The following HELB variants were observed in gnomAD, a reference collection of about 807,000 sequenced individuals.
HELB encodes DNA 5'-3' helicase B.
Under a neutral mutation model 101.7 loss-of-function variants are expected in HELB, and 96 were observed. The ratio of observed to expected loss-of-function variants is 0.94; its 90% confidence interval spans 0.80 to 1.12. The LOEUF is 1.12. Among genes scored for constraint, HELB ranks in the 50% most tolerant of loss-of-function variants. HELB has a pLI of 0.00. For missense variants in HELB, 1,210 were observed against 1,291.9 expected, an observed-to-expected ratio of 0.94 and a Z score of 0.97; for synonymous variants, 437 against 459.7, an observed-to-expected ratio of 0.95 and a Z score of 0.63.
chr12:66,328,484 GTC>G (rs1313521966), intron 11 of HELB, among the ~76,000 whole-genome samples: 1 of 152,132 alleles, frequency 6.6e-6, no homozygotes, highest in African/African-American at 2.4e-5. Context: ...GATTTCCAGA[GTC>G]TGGGAGCTGG....
At chr12:66,331,736 G>A (rs1592647940) in intron 12 of HELB, 91 bp downstream of exon 12, 2 of 1,218,916 alleles carry the variant, frequency 1.6e-6, no homozygotes, top group Non-Finnish European at 1.1e-6. Context: ...TATTAGTGTT[G>A]CATTGTGCTG....
chr12:66,306,437 G>T lies in HELB; in HGVS notation c.700G>T (p.Gly234Trp). 1 of 1,610,420 alleles carries T rather than the reference G, an allele frequency of 6.2e-7. No homozygotes were observed. ...LLPRHFKWII[G>W]SGSKEMLKEI... ...GCCTCGACACTTTAAATGGATCATAGGGTCAGGTTCTAAAGAGATGTTGAA... is the reference window on the plus strand; with the variant it reads ...GCCTCGACACTTTAAATGGATCATATGGTCAGGTTCTAAAGAGATGTTGAA... Residue 234 changes from glycine to tryptophan, a missense_variant, in exon 3 of 13, where the codon GGG (glycine) becomes TGG (tryptophan). Coordinates refer to ENST00000247815, the MANE Select transcript of HELB (RefSeq NM_001370285.1).
rs760436338 is a variant in HELB at position 66,315,344 on chromosome 12, A to G, written c.1961A>G (p.His654Arg). Residue 654 changes from histidine to arginine, a missense_variant, in exon 6 of 13, where the codon CAT becomes CGT. His to Arg is a conservative substitution (Grantham distance 29). Around this residue, in one of 2 missense-constraint regions of HELB, gnomAD observed 740 missense variants for 728.8 expected, o/e 1.02. Coordinates refer to ENST00000247815, the MANE Select transcript of HELB (RefSeq NM_001370285.1). ...RNCAIELKTN[H>R]RAESQLIVDN... ...TGTGCTATTGAGCTAAAGACAAACC[A>G]TAGAGCAGAATCTCAGCTCATTGTG... 3.1e-6 allele frequency: 5 copies of G among 1,606,616 alleles called. No individual in the cohort carries two copies. Among genetic ancestry groups the G allele is most frequent in the Middle Eastern group, 1.7e-4 (1 of 5,870 alleles).
chr12:66,302,772 C>A lies in HELB; in HGVS notation c.169C>A (p.Leu57Ile). The A allele has an allele frequency of 6.2e-7, 1 of 1,611,364 alleles. No individual in the cohort carries two copies. The highest frequency in any genetic ancestry group is 8.5e-7 in the Non-Finnish European group (1 of 1,178,182). Residue 57 changes from leucine to isoleucine, a missense_variant, in exon 1 of 13, where the codon CTC becomes ATC. Coordinates refer to ENST00000247815, the MANE Select transcript of HELB (RefSeq NM_001370285.1). The part of the protein sequence containing the change: ...LCSGGVKAGS[L>I]PGCLRVSICD... ...CAGTGGGGGCGTAAAGGCTGGCAGC[C>A]TCCCCGGGTGCCTCCGCGGTGAGGA...
At chr12:66,316,076 G>A (rs1410750986) in intron 6 of HELB, among the ~76,000 whole-genome samples, 1 of 152,102 alleles carries the variant, frequency 6.6e-6, no homozygotes, top group African/African-American at 2.4e-5. Flanking sequence ...CCTTTTCTAT[G>A]TTTAAATATG....
intron 4 of HELB, among the ~76,000 whole-genome samples, chr12:66,312,246 G>A (rs7316880): frequency 0.71 from 107,686 of 152,004 alleles, 38,632 homozygotes; most frequent in Middle Eastern, 0.83. Flanking sequence ...GGAGATTTCT[G>A]GCCTTCCAGC....
chr12:66,331,431 C>T lies in HELB; in HGVS notation c.2948C>T (p.Ala983Val), dbSNP rs779166296. 4 of 1,614,100 alleles carry T rather than the reference C, an allele frequency of 2.5e-6. No homozygotes were observed. The highest frequency in any genetic ancestry group is 2.7e-5 in the African/African-American group (2 of 74,932). ...GDSGGPSTPS[A>V]SPLPVVTDHA... ...AGTGGAGGACCCAGCACACCGTCAG[C>T]ATCTCCACTCCCTGTAGTCACAGAC... The change falls in exon 12 of 13, where the codon GCA (alanine) becomes GTA (valine). Residue 983 changes from alanine to valine, a missense_variant. Around this residue, in one of 2 missense-constraint regions of HELB, gnomAD observed 740 missense variants for 728.8 expected, o/e 1.02. Transcript: ENST00000247815.
At chr12:66,336,812 C>G (rs914805507) in intron 12 of HELB, among the ~76,000 whole-genome samples, 37 of 152,082 alleles carry the variant, frequency 2.4e-4, no homozygotes, top group African/African-American at 8.0e-4. Context: ...CTGAAGAGGT[C>G]GTAGATTCTT....
rs146773809 is a variant in HELB, at chr12:66,318,664, T to G, written c.2027T>G (p.Phe676Cys). Residue 676 changes from phenylalanine to cysteine, a missense_variant, in exon 7 of 13, where the codon TTT becomes TGT. Transcript: ENST00000247815. ...ATCTCAAGACGCCAATTTCCAAAAT[T>G]TGATGCAGAACTAAATATCTCTGAT... is the stretch of plus-strand genomic sequence containing the variant. Reference protein sequence around the residue: ...TRISRRQFPKFDAELNISDNP... With the variant: ...TRISRRQFPKCDAELNISDNP... 1.3e-4 allele frequency: 208 copies of G among 1,595,704 alleles called. No homozygotes were observed. The highest frequency in any genetic ancestry group is 3.3e-4 in the Middle Eastern group (2 of 6,006).
chr12:66,316,227 T>G lies in HELB; in HGVS notation c.2000+844T>G, dbSNP rs532970001. On this transcript the variant is annotated intron_variant, in intron 6 of 12. Coordinates refer to ENST00000247815, the MANE Select transcript of HELB (RefSeq NM_001370285.1). ...TGTATAGTAGGCTATACCATCCAGG[T>G]TTGTGTAAGTACACTCTATGCTATT... Among the ~76,000 whole-genome samples, 3 of 152,184 alleles carry G rather than the reference T, an allele frequency of 2.0e-5. No individual in the cohort carries two copies. In the South Asian group the frequency reaches 6.2e-4, roughly 32 times the overall value.
chr12:66,324,824 T>C (rs931358655), intron 10 of HELB, 159 bp from the exon 11 acceptor site: 1 of 757,936 alleles, frequency 1.3e-6, no homozygotes, highest in Non-Finnish European at 2.2e-6. Context: ...ATAGATATAT[T>C]GTTTGTGCTG....
At chr12:66,302,925 CCAAGGG>C (rs2053423102) in intron 1 of HELB, 135 bp downstream of exon 1, 1 of 672,624 alleles carries the variant, frequency 1.5e-6, no homozygotes, top group African/African-American at 1.8e-5. Flanking sequence ...CTTCATCCTA[CCAAGGG>C]TAAAATTATG....
In HELB at chr12:66,302,529, G is replaced by T; in HGVS notation, c.-75G>T. 1 of 1,428,392 alleles carries T rather than the reference G, an allele frequency of 7.0e-7. No homozygotes were observed. Among genetic ancestry groups the T allele is most frequent in the Non-Finnish European group, 9.7e-7 (1 of 1,028,518 alleles). 88.5% of individuals were successfully genotyped at this position (1,428,392 alleles called of 1,614,324 possible). On this transcript the variant is annotated 5_prime_UTR_variant, in exon 1 of 13. It removes the in-frame stop codon of an upstream open reading frame in the 5' UTR. Transcript: ENST00000247815. ...GGAAGTTGATGGCCTTACAGTCGTA[G>T]AACTGATTGGCTGATCATGACCATG... is the stretch of plus-strand genomic sequence containing the variant.
At chr12:66,311,757 A>G (rs578033749) in intron 4 of HELB, among the ~76,000 whole-genome samples, 1 of 152,184 alleles carries the variant, frequency 6.6e-6, no homozygotes, top group Non-Finnish European at 1.5e-5. Context: ...AAAAAATAGT[A>G]TTGGCTATAA....
intron 7 of HELB, among the ~76,000 whole-genome samples, chr12:66,319,944 C>T (rs2053652103): frequency 6.9e-6 from 1 of 144,086 alleles, no homozygotes; most frequent in Non-Finnish European, 1.5e-5. Flanking sequence ...ACTTATTGAA[C>T]TCCTGTTATA....
chr12:66,341,709 C>T (rs1248411724), downstream of HELB: 1 of 152,128 alleles, frequency 6.6e-6, no homozygotes, highest in African/African-American at 2.4e-5. Context: ...AGGAAGGATC[C>T]TGGTGGGAGG....
At chr12:66,312,317 A>G (rs1461214292) in intron 4 of HELB, among the ~76,000 whole-genome samples, 1 of 152,196 alleles carries the variant, frequency 6.6e-6, no homozygotes, top group East Asian at 1.9e-4. Context: ...TACACTAACA[A>G]TGAAACTCGA....
chr12:66,329,488 G>T (rs745618260), intron 11 of HELB, among the ~76,000 whole-genome samples: 1 of 152,168 alleles, frequency 6.6e-6, no homozygotes, highest in Non-Finnish European at 1.5e-5. Context: ...CTTGTGCTGG[G>T]TGGAGCATGG....
At chr12:66,322,634 G>T in intron 8 of HELB, 90 bp from the exon 9 acceptor site, 1 of 695,614 alleles carries the variant, frequency 1.4e-6, no homozygotes, top group Non-Finnish European at 2.4e-6. Context: ...GAAACGTTTT[G>T]TAGAATCTAG....
Sources: allele counts gnomAD v4.1 joint callset (sites outside exome capture counted in the v4.1 genomes callset), GRCh38; gene constraint gnomAD v4.1.1; regional missense constraint gnomAD v4.1.1; transcripts MANE v1.5; gene names NCBI Gene and HGNC (gene_info 2026-07-23, HGNC 2026-07-21).